AP4E1: variants seen among roughly 807,000 people sequenced by gnomAD.
AP4E1 encodes adaptor related protein complex 4 subunit epsilon 1.
In AP4E1, 56 loss-of-function variants were observed where a neutral mutation model predicts 128.2. The observed-to-expected ratio is 0.44, with a 90% CI of 0.35 to 0.55. The LOEUF (loss-of-function observed/expected upper bound fraction) is 0.55. AP4E1 is among the 20% of genes least tolerant of loss of function. The pLI, the probability that AP4E1 is intolerant of heterozygous loss-of-function variation, is 0.00. For synonymous variants in AP4E1, 484 were observed against 473.1 expected (o/e 1.02, Z -0.30); for missense variants, 1,324 against 1,307.7 (o/e 1.01, Z -0.19).
At chr15:50,938,093 A>G (rs1013062183) in intron 8 of AP4E1, among the ~76,000 whole-genome samples, 2 of 152,108 alleles carry the variant, frequency 1.3e-5, no homozygotes, top group Non-Finnish European at 2.9e-5. Flanking sequence ...TATAAGAAAC[A>G]TAAGACTCAG....
At chr15:50,979,038 TTCTC>T (rs1327885594) in intron 15 of AP4E1, among the ~76,000 whole-genome samples, 3 of 152,220 alleles carry the variant, frequency 2.0e-5, no homozygotes, top group African/African-American at 7.2e-5. Flanking sequence ...GTCTGTTTTA[TTCTC>T]TCTACTTTCA....
chr15:50,930,725 G>C, intron 6 of AP4E1, 80 bp from the exon 7 acceptor site: 1 of 1,372,292 alleles, frequency 7.3e-7, no homozygotes, highest in Non-Finnish European at 1.0e-6. Flanking sequence ...ATTAAGTCAG[G>C]TTCTATATGA....
intron 17 of AP4E1, among the ~76,000 whole-genome samples, chr15:50,997,097 C>G (rs1047639835): frequency 2.0e-5 from 3 of 152,076 alleles, no homozygotes; most frequent in Non-Finnish European, 4.4e-5. Flanking sequence ...TCTTCGGATT[C>G]CATGTGTTTT....
chr15:50,983,986 T>C, intron 15 of AP4E1, 36 bp from the exon 16 acceptor site: 4 of 1,604,990 alleles, frequency 2.5e-6, no homozygotes, highest in Non-Finnish European at 3.4e-6. Flanking sequence ...TGCTTTGTTT[T>C]AAATATGAAC....
At chr15:51,001,309 T>A in intron 20 of AP4E1, 126 bp downstream of exon 20, 1 of 881,486 alleles carries the variant, frequency 1.1e-6, no homozygotes, top group Non-Finnish European at 1.7e-6. Flanking sequence ...GTCTTTCAGA[T>A]GAATGTGTTT....
intron 16 of AP4E1, among the ~76,000 whole-genome samples, chr15:50,985,885 T>C (rs932065893): frequency 6.6e-6 from 1 of 152,224 alleles, no homozygotes; most frequent in African/African-American, 2.4e-5. Flanking sequence ...GCATTGAATC[T>C]ATAAATTACC....
At chr15:50,994,150 G>C (rs1375572519) in intron 17 of AP4E1, among the ~76,000 whole-genome samples, 1 of 152,044 alleles carries the variant, frequency 6.6e-6, no homozygotes. Flanking sequence ...TTTATGCCTT[G>C]TTTATACCTA....
intron 17 of AP4E1, among the ~76,000 whole-genome samples, chr15:50,995,719 A>T (rs117521174): frequency 6.6e-6 from 1 of 151,898 alleles, no homozygotes; most frequent in Non-Finnish European, 1.5e-5. Flanking sequence ...TTTTCTGAGT[A>T]TGCAGTGCTA....
chr15:50,920,644 C>T (rs964322782), intron 3 of AP4E1, among the ~76,000 whole-genome samples: 42 of 152,158 alleles, frequency 2.8e-4, no homozygotes, highest in Non-Finnish European at 4.4e-4. Flanking sequence ...ATGATCCACC[C>T]GCCTTGGCCT....
chr15:51,001,067 T>C lies in AP4E1; in HGVS notation c.3137T>C (p.Leu1046Ser), dbSNP rs2064956122. The change falls in exon 20 of 21, where the codon TTA becomes TCA. Residue 1046 changes from leucine (L) to serine (S), a missense_variant. Coordinates refer to ENST00000261842, the MANE Select transcript of AP4E1 (RefSeq NM_007347.5). ...ISSDDFGKLW[L>S]SFANDVKQNV... ...AGTGACGACTTTGGGAAACTCTGGT[T>C]ATCCTTCGCAAATGATGTGAAACAA... 6.2e-7 allele frequency: 1 copy of C among 1,613,424 alleles called. No homozygotes were observed. The highest frequency in any genetic ancestry group is 8.5e-7 in the Non-Finnish European group (1 of 1,179,646).
At chr15:50,920,871 T>C (rs995248650) in intron 3 of AP4E1, among the ~76,000 whole-genome samples, 4 of 152,220 alleles carry the variant, frequency 2.6e-5, no homozygotes, top group African/African-American at 9.6e-5. Flanking sequence ...CGATCTCGGC[T>C]TACTGCAATC....
chr15:50,926,743 C>T (rs1400799217), intron 5 of AP4E1, among the ~76,000 whole-genome samples: 4 of 151,806 alleles, frequency 2.6e-5, no homozygotes, highest in African/African-American at 4.8e-5. Flanking sequence ...GAACTACAGG[C>T]GCCCGCCACT....
At chr15:50,995,329 ATT>A (rs1391147906) in intron 17 of AP4E1, among the ~76,000 whole-genome samples, 1 of 150,656 alleles carries the variant, frequency 6.6e-6, no homozygotes, top group Non-Finnish European at 1.5e-5. Flanking sequence ...TCCATTTTGA[ATT>A]AATTTTTTAT....
chr15:50,986,917 A>G (rs376359305), intron 16 of AP4E1, among the ~76,000 whole-genome samples: 13 of 152,270 alleles, frequency 8.5e-5, no homozygotes, highest in Non-Finnish European at 1.6e-4. Context: ...GGTAGAATTC[A>G]GCTGTGAATC....
intron 2 of AP4E1, among the ~76,000 whole-genome samples, chr15:50,913,597 TTCATC>T (rs1225535250): frequency 6.6e-6 from 1 of 152,226 alleles, no homozygotes; most frequent in African/African-American, 2.4e-5. Flanking sequence ...GGAATGCACT[TTCATC>T]TCTAAAAATA....
chr15:50,988,292 A>C (rs2064756448), intron 16 of AP4E1, among the ~76,000 whole-genome samples: 1 of 152,070 alleles, frequency 6.6e-6, no homozygotes, highest in South Asian at 2.1e-4. Flanking sequence ...TCATTGGCCC[A>C]TTATTGTTTA....
At chr15:50,915,674 C>A (rs1467302058) in intron 3 of AP4E1, 103 bp downstream of exon 3, 12 of 1,346,182 alleles carry the variant, frequency 8.9e-6, no homozygotes, top group South Asian at 7.4e-5. Flanking sequence ...TTTTAGAATA[C>A]TGTATTATAA....
In AP4E1 at chr15:50,997,664, A is replaced by C; in HGVS notation, c.2685A>C (p.Ser895=). 6.2e-7 allele frequency: 1 copy of C among 1,614,020 alleles called. No homozygotes were observed. The highest frequency in any genetic ancestry group is 8.5e-7 in the Non-Finnish European group (1 of 1,179,942). The stretch of plus-strand genomic sequence containing the variant: ...ACCCTCCTCAATCTACTGCAGCCTC[A>C]GTTGCCAAGGAAAGCTCTTTAGCTT... The part of the protein sequence containing the change: ...IFHPPQSTAA[S]VAKESSLASS... Residue 895 remains serine, a synonymous_variant, in exon 18 of 21, where the codon TCA becomes TCC. Coordinates refer to ENST00000261842, the MANE Select transcript of AP4E1 (RefSeq NM_007347.5).
At chr15:50,958,938 A>T in intron 14 of AP4E1, 144 bp downstream of exon 14, 2 of 903,884 alleles carry the variant, frequency 2.2e-6, no homozygotes, top group South Asian at 2.9e-5. Flanking sequence ...TCACATTAGT[A>T]TGACAGGGAA....
Sources: allele counts gnomAD v4.1 joint callset (sites outside exome capture counted in the v4.1 genomes callset), GRCh38; gene constraint gnomAD v4.1.1; transcripts MANE v1.5; gene names NCBI Gene and HGNC (gene_info 2026-07-23, HGNC 2026-07-21).